ZFHX3: variants seen among roughly 807,000 people sequenced by gnomAD.
ZFHX3 encodes the protein zinc finger homeobox protein 3.
Under a neutral mutation model 279.1 loss-of-function variants are expected in ZFHX3, and 42 were observed. The ratio of observed to expected loss-of-function variants is 0.15; its 90% CI spans 0.12 to 0.19. The LOEUF (loss-of-function observed/expected upper bound fraction) is 0.19, where lower values mean the gene tolerates loss of function less well. Among genes scored for constraint, ZFHX3 ranks in the 10% least tolerant of loss-of-function variants. The pLI, the probability that ZFHX3 is intolerant of heterozygous loss-of-function variation, is 1.00. For synonymous variants in ZFHX3, 2,293 were observed against 1,957.8 expected, an observed-to-expected ratio of 1.17 and a Z score of -4.52; for missense variants, 4,981 against 4,754.0, an observed-to-expected ratio of 1.05 and a Z score of -1.40.
chr16:73,793,663 A>G (rs1959901081), intron 1 of ZFHX3, among the ~76,000 whole-genome samples: 1 of 152,292 alleles, frequency 6.6e-6, no homozygotes, highest in East Asian at 1.9e-4. Context: ...AAAAAATTTC[A>G]TCAAGTCTTG....
chr16:73,718,273 T>G (rs976456145), intron 1 of ZFHX3, among the ~76,000 whole-genome samples: 5 of 152,026 alleles, frequency 3.3e-5, no homozygotes, highest in Non-Finnish European at 2.9e-5. Context: ...TAGCCGGGCG[T>G]GGTGGCAGGC....
chr16:73,033,535 TG>T (rs59741667), intron 1 of ZFHX3, among the ~76,000 whole-genome samples: 7,017 of 148,758 alleles, frequency 0.047, 376 homozygotes, highest in East Asian at 0.28. Flanking sequence ...AGGCGGGGGG[TG>T]GGGGGGGACT....
chr16:73,243,259 A>G (rs932625168), intron 5 of ZFHX3, among the ~76,000 whole-genome samples: 3 of 152,210 alleles, frequency 2.0e-5, no homozygotes, highest in Non-Finnish European at 4.4e-5. Flanking sequence ...TAAGAGATAA[A>G]TCTTTGCTAT....
chr16:72,859,392 G>A (rs1361482910), intron 4 of ZFHX3, among the ~76,000 whole-genome samples: 2 of 152,122 alleles, frequency 1.3e-5, no homozygotes, highest in Non-Finnish European at 2.9e-5. Flanking sequence ...TATGACAACC[G>A]CTATCGTCCC....
At chr16:73,314,695 C>T (rs2015403544) in intron 4 of ZFHX3, among the ~76,000 whole-genome samples, 1 of 152,200 alleles carries the variant, frequency 6.6e-6, no homozygotes, top group Non-Finnish European at 1.5e-5. Context: ...GCTGCTCCTC[C>T]TACCAAATGG....
At chr16:73,843,658 AT>A (rs1961370542) in intron 1 of ZFHX3, among the ~76,000 whole-genome samples, 1 of 152,244 alleles carries the variant, frequency 6.6e-6, no homozygotes, top group African/African-American at 2.4e-5. Flanking sequence ...TCTGCCTTCA[AT>A]CCCCGCTTCT....
chr16:73,299,264 T>C (rs1299412241), intron 4 of ZFHX3, among the ~76,000 whole-genome samples: 1 of 152,176 alleles, frequency 6.6e-6, no homozygotes, highest in Non-Finnish European at 1.5e-5. Context: ...ACATTGCTGT[T>C]CAGCCCCTAG....
intron 1 of ZFHX3, among the ~76,000 whole-genome samples, chr16:72,963,307 C>G (rs1330153347): frequency 1.3e-5 from 2 of 152,144 alleles, no homozygotes; most frequent in Non-Finnish European, 2.9e-5. Context: ...GCTGGTGGCA[C>G]CCGGAACTCC....
upstream of ZFHX3, among the ~76,000 whole-genome samples, chr16:73,048,859 A>G (rs1021899357): frequency 6.6e-6 from 1 of 152,234 alleles, no homozygotes; most frequent in Admixed American, 6.5e-5. Context: ...AGAAAAGGAG[A>G]GATCACTAGA....
intron 2 of ZFHX3, chr16:73,554,179 G>C (rs1037310842): frequency 2.0e-5 from 3 of 152,228 alleles, no homozygotes. Context: ...ATCCAAGAAA[G>C]CATGTCCCAG....
At chr16:73,551,863 G>C (rs1370891511) in intron 2 of ZFHX3, among the ~76,000 whole-genome samples, 1 of 152,180 alleles carries the variant, frequency 6.6e-6, no homozygotes, top group Non-Finnish European at 1.5e-5. Flanking sequence ...AGAGGTGTTA[G>C]AGTAACTTGT....
At chr16:73,555,465 A>G (rs1267382445) in intron 2 of ZFHX3, among the ~76,000 whole-genome samples, 5 of 149,970 alleles carry the variant, frequency 3.3e-5, no homozygotes, top group Non-Finnish European at 7.4e-5. Flanking sequence ...CCATGTTTGT[A>G]TTTTTAAGAG....
chr16:73,401,365 A>AC (rs60562002), intron 3 of ZFHX3: 4 of 17,650 alleles, frequency 2.3e-4, no homozygotes, highest in African/African-American at 6.3e-4. Context: ...AAAAAACAAA[A>AC]AACAAAACAC....
chr16:73,105,410 C>CACACACACACATATATATATATAG (rs1200521848), intron 7 of ZFHX3, among the ~76,000 whole-genome samples: 1 of 116,950 alleles, frequency 8.6e-6, no homozygotes, highest in East Asian at 2.6e-4. Flanking sequence ...TATATATATA[C>CACACACACACATATATATATATAG]ACACACACAT....
At chr16:73,786,086 G>A (rs545114427) in intron 1 of ZFHX3, among the ~76,000 whole-genome samples, 52 of 152,140 alleles carry the variant, frequency 3.4e-4, no homozygotes, top group African/African-American at 1.0e-3. Flanking sequence ...GGTCAGGCTG[G>A]TCTCGAACTC....
intron 5 of ZFHX3, among the ~76,000 whole-genome samples, chr16:73,243,589 G>T (rs1335102206): frequency 6.6e-6 from 1 of 152,166 alleles, no homozygotes; most frequent in Non-Finnish European, 1.5e-5. Flanking sequence ...GAACATCCCT[G>T]TAATATTCTC....
chr16:73,181,249 C>T (rs368540082), intron 5 of ZFHX3, among the ~76,000 whole-genome samples: 8 of 152,140 alleles, frequency 5.3e-5, no homozygotes, highest in Non-Finnish European at 1.2e-4. Flanking sequence ...TACAGGCACA[C>T]GCCAGCATGC....
At chr16:73,023,300 C>T (rs1389790129) in intron 1 of ZFHX3, among the ~76,000 whole-genome samples, 1 of 152,166 alleles carries the variant, frequency 6.6e-6, no homozygotes, top group Non-Finnish European at 1.5e-5. Context: ...GTTTTGCCTA[C>T]AAGCTAAGAC....
rs561637701 is a variant in ZFHX3 at position 72,985,566 on chromosome 16, A to G, written c.-49-25372T>C. Among the ~76,000 whole-genome samples, 6 of 152,334 alleles carry G rather than the reference A, an allele frequency of 3.9e-5. No homozygotes were observed. In the East Asian group the frequency reaches 1.2e-3, roughly 29 times the overall value. ...GGAAGAAATGGAATTTTCGCTCTTG[A>G]GATTCAAATTCCTGAGTCATAGTTG... is the stretch of plus-strand genomic sequence containing the variant. On this transcript the variant is annotated intron_variant, in intron 1 of 9. Coordinates refer to ENST00000268489, the MANE Select transcript of ZFHX3 (RefSeq NM_006885.4).
Sources: allele counts gnomAD v4.1 joint callset (sites outside exome capture counted in the v4.1 genomes callset), GRCh38; gene constraint gnomAD v4.1.1; transcripts MANE v1.5; gene names NCBI Gene and HGNC (gene_info 2026-07-23, HGNC 2026-07-21).